Variants in SLIT3 observed in about 807,000 individuals in gnomAD.
The protein encoded by SLIT3 is slit homolog 3 protein.
SLIT3 carries 68 observed loss-of-function variants against 184.0 expected under a neutral mutation model. That is an observed-to-expected ratio of 0.37 (90% confidence interval 0.30 to 0.45). SLIT3 has a LOEUF of 0.45. Among genes scored for constraint, SLIT3 ranks in the 20% least tolerant of loss-of-function variants. The pLI is 1.00. For missense variants in SLIT3, 1,707 were observed against 2,026.0 expected, an observed-to-expected ratio of 0.84 and a Z score of 3.02; for synonymous variants, 831 against 828.6, an observed-to-expected ratio of 1.00 and a Z score of -0.05.
At chr5:169,091,729 C>T (rs1418316459) in intron 4 of SLIT3, among the ~76,000 whole-genome samples, 1 of 152,182 alleles carries the variant, frequency 6.6e-6, no homozygotes, top group Non-Finnish European at 1.5e-5. Flanking sequence ...GCTCTCCTCC[C>T]CACAGTGCAA....
intron 30 of SLIT3, among the ~76,000 whole-genome samples, chr5:168,686,661 A>C (rs764760804): frequency 6.6e-6 from 1 of 152,234 alleles, no homozygotes; most frequent in Non-Finnish European, 1.5e-5. Context: ...CTGGGCTTCA[A>C]GATGGTGGCA....
Position 168,785,954 on chromosome 5 carries a change from G to C in SLIT3, c.1104C>G (p.Thr368=). 1 of 1,612,522 alleles carries C rather than the reference G, an allele frequency of 6.2e-7. No individual in the cohort carries two copies. The highest frequency in any genetic ancestry group is 1.3e-5 in the African/African-American group (1 of 74,954). Residue 368 remains threonine (T), a synonymous_variant, in exon 12 of 36, where the codon ACC becomes ACG. Transcript: ENST00000519560. ...CATCAAACAGTCCCTTGACAATCTC[G>C]GTGATCTTGTTCCCATACAGGACCC... The part of the protein sequence containing the change: ...TSLVLYGNKI[T]EIVKGLFDGL...
rs1003963634 is a variant in SLIT3, at chr5:168,967,736, G to A, written c.414-84400C>T. 7.1e-5 allele frequency among the ~76,000 whole-genome samples: 10 copies of A among 140,202 alleles called. 1 individual carries two copies. The highest frequency in any genetic ancestry group is 2.2e-4 in the South Asian group (1 of 4,470). 92.0% of individuals were successfully genotyped at this position (140,202 alleles called of 152,430 possible). A position where few individuals can be genotyped will look rare whatever the true frequency, so the allele number is the denominator to read the frequency against. On this transcript the variant is annotated intron_variant, in intron 4 of 35. Transcript: ENST00000519560. ...ATTACAGGCGTGAGCCACCGCGCCC[G>A]GCCCATCTCAAATCTTTGAGGGATT...
chr5:168,781,296 C>T (rs1264105403), intron 12 of SLIT3, among the ~76,000 whole-genome samples: 1 of 152,190 alleles, frequency 6.6e-6, no homozygotes, highest in Non-Finnish European at 1.5e-5. Flanking sequence ...GTGACCTCAC[C>T]TGTGGTGGCT....
chr5:169,022,506 A>G (rs2113495175), intron 4 of SLIT3, among the ~76,000 whole-genome samples: 1 of 152,354 alleles, frequency 6.6e-6, no homozygotes, highest in South Asian at 2.1e-4. Context: ...AAACAATAAA[A>G]GTCACCTTTC....
In SLIT3 at chr5:168,792,863, G is replaced by A. The variant is rs75917688; in HGVS notation, c.1007+2644C>T. ...GAAACTTTCTGAGCACTGACATGACGTCACAAGTGGAAAATTCCACACCTG... is the reference window on the plus strand; with the variant it reads ...GAAACTTTCTGAGCACTGACATGACATCACAAGTGGAAAATTCCACACCTG... On this transcript the variant is annotated intron_variant, in intron 10 of 35. Coordinates refer to ENST00000519560, the MANE Select transcript of SLIT3 (RefSeq NM_003062.4). 5.6e-3 allele frequency among the ~76,000 whole-genome samples: 849 copies of A among 152,270 alleles called. 5 individuals are homozygous for A. Among genetic ancestry groups the A allele is most frequent in the African/African-American group, 0.02 (811 of 41,540 alleles).
chr5:168,871,179 C>A (rs1759504717), intron 5 of SLIT3, among the ~76,000 whole-genome samples: 1 of 152,132 alleles, frequency 6.6e-6, no homozygotes, highest in Non-Finnish European at 1.5e-5. Flanking sequence ...GTGGTCTTTT[C>A]TCTCTCTCTG....
chr5:169,244,154 A>G (rs1765500743), intron 3 of SLIT3, among the ~76,000 whole-genome samples: 1 of 152,200 alleles, frequency 6.6e-6, no homozygotes, highest in Admixed American at 6.5e-5. Context: ...CTGGCAATGC[A>G]TTCTCTCGTG....
At chr5:169,063,613 G>A (rs1451108930) in intron 4 of SLIT3, among the ~76,000 whole-genome samples, 1 of 152,226 alleles carries the variant, frequency 6.6e-6, no homozygotes, top group Non-Finnish European at 1.5e-5. Flanking sequence ...CCGTGTGCGT[G>A]AGTGAGAAAC....
chr5:169,202,224 C>G (rs1476748590), intron 3 of SLIT3, among the ~76,000 whole-genome samples: 1 of 151,452 alleles, frequency 6.6e-6, no homozygotes, highest in Non-Finnish European at 1.5e-5. Flanking sequence ...AGAACAAGAG[C>G]CTATTTCAAA....
At chr5:169,196,859 G>C (rs1405773199) in intron 3 of SLIT3, among the ~76,000 whole-genome samples, 1 of 152,160 alleles carries the variant, frequency 6.6e-6, no homozygotes, top group African/African-American at 2.4e-5. Flanking sequence ...TCCCTGGAAA[G>C]GAACTCTCTT....
intron 3 of SLIT3, among the ~76,000 whole-genome samples, chr5:169,217,138 A>AC (rs1490370560): frequency 8.8e-5 from 13 of 147,546 alleles, no homozygotes; most frequent in Non-Finnish European, 7.5e-5. Context: ...GTTAAAAAAA[A>AC]AAAAAAAAAA....
intron 4 of SLIT3, among the ~76,000 whole-genome samples, chr5:168,905,646 AG>A (rs1448337640): frequency 1.3e-5 from 2 of 152,208 alleles, no homozygotes; most frequent in African/African-American, 2.4e-5. Context: ...TAGACACTAC[AG>A]CTCAAATACT....
rs570774450 is a variant in SLIT3, at chr5:168,774,180, A to G, written c.1295+55T>C. 72 of 1,540,486 alleles carry G rather than the reference A, an allele frequency of 4.7e-5. No individual in the cohort carries two copies. In the African/African-American group the frequency reaches 7.3e-4, roughly 16 times the overall value. On this transcript the variant is annotated intron_variant, in intron 13 of 35. Coordinates refer to ENST00000519560, the MANE Select transcript of SLIT3 (RefSeq NM_003062.4). ...CATTTGGGTGTTTTTCATGATGGGC[A>G]TTTGGGGTCTCCTGCTGCTTGGGCA...
At chr5:169,152,523 G>C (rs186586710) in intron 4 of SLIT3, among the ~76,000 whole-genome samples, 18 of 152,284 alleles carry the variant, frequency 1.2e-4, no homozygotes, top group East Asian at 1.2e-3. Context: ...GCACCGCCTC[G>C]TGGGGATGAC....
intron 4 of SLIT3, among the ~76,000 whole-genome samples, chr5:169,036,641 C>T (rs924543991): frequency 6.7e-6 from 1 of 149,958 alleles, no homozygotes; most frequent in Non-Finnish European, 1.5e-5. Flanking sequence ...ATCCTCAGCC[C>T]TCTCCTTGTT....
intron 4 of SLIT3, among the ~76,000 whole-genome samples, chr5:169,070,797 CAAAAAAAAAA>C: frequency 8.6e-6 from 1 of 116,036 alleles, no homozygotes; most frequent in South Asian, 2.8e-4. Context: ...ACATTTTCCT[CAAAAAAAAAA>C]AAAAAAAAGA....
chr5:168,964,938 G>C (rs1250900141), intron 4 of SLIT3, among the ~76,000 whole-genome samples: 1 of 152,200 alleles, frequency 6.6e-6, no homozygotes, highest in Admixed American at 6.5e-5. Context: ...TCCAAAAGCA[G>C]TCTGCAGGTC....
intron 4 of SLIT3, among the ~76,000 whole-genome samples, chr5:168,958,779 A>T (rs1267078497): frequency 6.6e-6 from 1 of 152,224 alleles, no homozygotes; most frequent in Non-Finnish European, 1.5e-5. Context: ...GTGGTGGAAG[A>T]AGGTGTCATG....
Sources: allele counts gnomAD v4.1 joint callset (sites outside exome capture counted in the v4.1 genomes callset), GRCh38; gene constraint gnomAD v4.1.1; transcripts MANE v1.5; gene names NCBI Gene and HGNC (gene_info 2026-07-23, HGNC 2026-07-21).